The following TMTC1 variants were observed in gnomAD, a reference collection of about 807,000 sequenced individuals.
TMTC1 encodes protein O-mannosyl-transferase TMTC1.
TMTC1 carries 73 observed loss-of-function variants against 104.8 expected under a neutral mutation model. The ratio of observed to expected loss-of-function variants is 0.70; its 90% CI spans 0.58 to 0.85. The LOEUF is 0.85. TMTC1 is among the 40% of genes least tolerant of loss of function. The pLI is 0.00. For missense variants in TMTC1, 1,035 were observed against 1,096.1 expected, an observed-to-expected ratio of 0.94 and a Z score of 0.79; for synonymous variants, 434 against 428.7, an observed-to-expected ratio of 1.01 and a Z score of -0.15.
At chr12:29,527,307 C>T (rs1944375419) in intron 11 of TMTC1, among the ~76,000 whole-genome samples, 3 of 152,176 alleles carry the variant, frequency 2.0e-5, no homozygotes, top group African/African-American at 7.2e-5. Context: ...AAACTTAACA[C>T]CATGCATGTG....
At chr12:29,679,592 C>T (rs1157151825) in intron 5 of TMTC1, among the ~76,000 whole-genome samples, 1 of 152,026 alleles carries the variant, frequency 6.6e-6, no homozygotes, top group Non-Finnish European at 1.5e-5. Flanking sequence ...TGCTAATATA[C>T]TGCTATGGAG....
chr12:29,668,281 G>A (rs938945515), intron 5 of TMTC1, among the ~76,000 whole-genome samples: 4 of 152,156 alleles, frequency 2.6e-5, no homozygotes, highest in East Asian at 1.9e-4. Context: ...CTGCATCCTC[G>A]CATGGCAGAA....
At chr12:29,700,073 G>A (rs914604370) in intron 5 of TMTC1, among the ~76,000 whole-genome samples, 2 of 151,812 alleles carry the variant, frequency 1.3e-5, no homozygotes, top group African/African-American at 4.8e-5. Context: ...TTTAGAGATA[G>A]GGTCTTGTTC....
Position 29,516,486 on chromosome 12 carries a change from C to T in TMTC1, c.2170G>A (p.Ala724Thr). 1 of 1,612,764 alleles carries T rather than the reference C, an allele frequency of 6.2e-7. No individual in the cohort carries two copies. The highest frequency in any genetic ancestry group is 8.5e-7 in the Non-Finnish European group (1 of 1,179,230). The change falls in exon 15 of 18, where the codon GCT becomes ACT. Residue 724 changes from alanine to threonine, a missense_variant and splice_region_variant. Ala to Thr is a moderately conservative substitution (Grantham distance 58). Transcript: ENST00000539277. Reference protein sequence around the residue: ...PSQRELRLALAQVLAVMGQTK... With the variant: ...PSQRELRLALTQVLAVMGQTK... Reference sequence around the variant, plus strand: ...TGACCCATCACGGCCAAAACCTGAGCCTACAAAACCACATGGACCTTGGCT... The same window carrying T: ...TGACCCATCACGGCCAAAACCTGAGTCTACAAAACCACATGGACCTTGGCT...
At chr12:29,702,603 G>A (rs748269996) in intron 5 of TMTC1, among the ~76,000 whole-genome samples, 3 of 152,128 alleles carry the variant, frequency 2.0e-5, no homozygotes, top group East Asian at 3.9e-4. Context: ...TTCCACCACC[G>A]CTTTTCCACA....
At chr12:29,656,262 G>T (rs1377178886) in intron 5 of TMTC1, among the ~76,000 whole-genome samples, 1 of 151,222 alleles carries the variant, frequency 6.6e-6, no homozygotes, top group Non-Finnish European at 1.5e-5. Context: ...TTCTAATGTG[G>T]CCACCTCAGA....
intron 5 of TMTC1, among the ~76,000 whole-genome samples, chr12:29,709,406 C>A: frequency 6.6e-6 from 1 of 151,902 alleles, no homozygotes; most frequent in Non-Finnish European, 1.5e-5. Flanking sequence ...AGCTTCAGAG[C>A]AATACCCAGA....
At chr12:29,542,628 C>T (rs1944832965) in intron 10 of TMTC1, among the ~76,000 whole-genome samples, 1 of 152,136 alleles carries the variant, frequency 6.6e-6, no homozygotes, top group Admixed American at 6.5e-5. Flanking sequence ...CATTAGGATT[C>T]TAAGCCTCTC....
At chr12:29,700,122 C>T (rs1941543230) in intron 5 of TMTC1, among the ~76,000 whole-genome samples, 1 of 151,912 alleles carries the variant, frequency 6.6e-6, no homozygotes, top group Non-Finnish European at 1.5e-5. Flanking sequence ...GATCACAGCT[C>T]ACTGCAACCT....
upstream of TMTC1, chr12:29,784,369 A>T (rs61922589): frequency 0.043 from 6,486 of 152,274 alleles, 238 homozygotes; most frequent in Non-Finnish European, 0.058. Context: ...CACCCGGGAC[A>T]ACAGCAGCGG....
chr12:29,774,047 G>A lies in TMTC1; in HGVS notation c.303-5972C>T, dbSNP rs548216081. 2.0e-5 allele frequency among the ~76,000 whole-genome samples: 3 copies of A among 151,844 alleles called. No individual in the cohort carries two copies. In the South Asian group the frequency reaches 6.2e-4, roughly 32 times the overall value. On this transcript the variant is annotated intron_variant, in intron 1 of 17. Coordinates refer to ENST00000539277, the MANE Select transcript of TMTC1 (RefSeq NM_001193451.2). ...ATGAGTGTGTGTGTGTGTGTGTGCA[G>A]GTGGCATGTGATAAACGCATGCCAG... is the stretch of plus-strand genomic sequence containing the variant.
chr12:29,564,070 A>G (rs1373126121), intron 9 of TMTC1, among the ~76,000 whole-genome samples: 2 of 152,204 alleles, frequency 1.3e-5, no homozygotes, highest in African/African-American at 4.8e-5. Flanking sequence ...AAGGGTTCCA[A>G]GGAGAGAAAG....
At chr12:29,714,557 GTCAGGGCAAATTATCCACACAGTAAAAA>G (rs983862947) in intron 5 of TMTC1, among the ~76,000 whole-genome samples, 1 of 152,190 alleles carries the variant, frequency 6.6e-6, no homozygotes, top group Non-Finnish European at 1.5e-5. Context: ...CTTGTGCACT[GTCAGGGCAAATTATCCACACAGTAAAAA>G]TCACAAACAT....
At chr12:29,676,779 T>A (rs983426678) in intron 5 of TMTC1, among the ~76,000 whole-genome samples, 3 of 152,212 alleles carry the variant, frequency 2.0e-5, no homozygotes, top group Admixed American at 1.3e-4. Context: ...TGATAGAAGA[T>A]GATGCCCTCG....
chr12:29,599,319 T>G (rs1946491884), intron 7 of TMTC1, among the ~76,000 whole-genome samples: 1 of 152,226 alleles, frequency 6.6e-6, no homozygotes, highest in Non-Finnish European at 1.5e-5. Context: ...AAAGGAGATC[T>G]GCAAAACTGG....
intron 9 of TMTC1, among the ~76,000 whole-genome samples, chr12:29,564,815 G>A (rs912271593): frequency 6.6e-6 from 1 of 152,126 alleles, no homozygotes; most frequent in Non-Finnish European, 1.5e-5. Flanking sequence ...TTGATGGTAG[G>A]AGCAACTAGA....
At chr12:29,688,134 G>C (rs563933965) in intron 5 of TMTC1, among the ~76,000 whole-genome samples, 143 of 152,234 alleles carry the variant, frequency 9.4e-4, no homozygotes, top group African/African-American at 3.2e-3. Flanking sequence ...TGGGTTTCAC[G>C]TGCTGATTTG....
intron 5 of TMTC1, among the ~76,000 whole-genome samples, chr12:29,737,003 G>T (rs192068019): frequency 3.9e-5 from 6 of 152,170 alleles, no homozygotes; most frequent in African/African-American, 9.7e-5. Context: ...CCTCTATCCC[G>T]CAACAGCTAG....
intron 5 of TMTC1, among the ~76,000 whole-genome samples, chr12:29,705,348 T>C (rs1217264608): frequency 6.6e-6 from 1 of 152,236 alleles, no homozygotes; most frequent in African/African-American, 2.4e-5. Context: ...TATTTTGAGC[T>C]GATTATTTTG....
Sources: gnomAD v4.1 joint callset for allele counts (sites outside exome capture counted in the v4.1 genomes callset) on GRCh38, gnomAD v4.1.1 for gene constraint, MANE v1.5 for transcripts, NCBI Gene and HGNC (gene_info 2026-07-23, HGNC 2026-07-21) for gene names.